The following SUZ12 variants were observed in gnomAD, a reference collection of about 807,000 sequenced individuals.
The protein encoded by SUZ12 is SUZ12 polycomb repressive complex 2 subunit.
Under a neutral mutation model 87.3 loss-of-function variants are expected in SUZ12, and 17 were observed. That is an observed-to-expected ratio of 0.19 (90% CI 0.13 to 0.29). The LOEUF (loss-of-function observed/expected upper bound fraction) is 0.29, where lower values mean the gene tolerates loss of function less well. Ranked by LOEUF, SUZ12 falls within the 10% of genes least tolerant of loss-of-function variation. The pLI, the probability that SUZ12 is intolerant of heterozygous loss-of-function variation, is 1.00. For synonymous variants in SUZ12, 253 were observed against 312.4 expected, an observed-to-expected ratio of 0.81 and a Z score of 2.01; for missense variants, 526 against 912.2, an observed-to-expected ratio of 0.58 and a Z score of 5.45.
At chr17:31,987,939 CA>C (rs56315304) in intron 9 of SUZ12, among the ~76,000 whole-genome samples, 15,063 of 128,290 alleles carry the variant, frequency 0.12, 976 homozygotes, top group Middle Eastern at 0.17. Context: ...AACTCCATCT[CA>C]AAAAAAAAAA....
chr17:32,000,117 C>T lies in SUZ12; in HGVS notation c.*1114C>T, dbSNP rs555494612. ...TTCACTACTGGCACATTAACAAGCA[C>T]CAATAGGTTTTTATTCCAACTCCGA... On this transcript the variant is annotated 3_prime_UTR_variant, in exon 16 of 16. Transcript: ENST00000322652. The T allele has an allele frequency of 2.1e-5, 5 of 233,130 alleles. No homozygotes were observed. The highest frequency in any genetic ancestry group is 4.2e-5 in the Non-Finnish European group (5 of 117,876). The allele number at this position is 233,130 out of a possible 1,614,324, so 14.4% of individuals were successfully genotyped here. A position where few individuals can be genotyped will look rare whatever the true frequency, so the allele number is the denominator to read the frequency against.
intron 4 of SUZ12, among the ~76,000 whole-genome samples, chr17:31,949,800 C>T (rs948226295): frequency 4.1e-5 from 6 of 147,944 alleles, no homozygotes; most frequent in African/African-American, 1.5e-4. Flanking sequence ...TCACCTGTCT[C>T]AGCCTCCTGA....
intron 4 of SUZ12, among the ~76,000 whole-genome samples, chr17:31,960,920 C>A (rs1164556216): frequency 1.3e-5 from 2 of 152,106 alleles, no homozygotes; most frequent in Non-Finnish European, 2.9e-5. Flanking sequence ...ATTTAGAATT[C>A]TTTCTCAAAG....
intron 4 of SUZ12, among the ~76,000 whole-genome samples, chr17:31,955,942 C>T (rs1028709701): frequency 2.6e-5 from 4 of 151,680 alleles, no homozygotes; most frequent in East Asian, 2.0e-4. Flanking sequence ...GATGGAGTCT[C>T]GCTCTGTCGC....
At chr17:31,976,917 G>C (rs531536657) in intron 8 of SUZ12, among the ~76,000 whole-genome samples, 55 of 152,274 alleles carry the variant, frequency 3.6e-4, no homozygotes, top group African/African-American at 1.3e-3. Flanking sequence ...CTTCACCATG[G>C]AGCTTAACTT....
chr17:31,952,518 T>C (rs548506880), intron 4 of SUZ12, among the ~76,000 whole-genome samples: 1 of 152,310 alleles, frequency 6.6e-6, no homozygotes, highest in African/African-American at 2.4e-5. Context: ...CTAGCAGGAT[T>C]CTAGGGATTC....
At chr17:31,975,203 T>C (rs1165005804) in intron 6 of SUZ12, among the ~76,000 whole-genome samples, 3 of 152,238 alleles carry the variant, frequency 2.0e-5, no homozygotes, top group Non-Finnish European at 1.5e-5. Context: ...ATTTCTAATA[T>C]ACAACTGTTT....
intron 8 of SUZ12, among the ~76,000 whole-genome samples, chr17:31,977,771 C>T (rs1908847939): frequency 6.6e-6 from 1 of 152,034 alleles, no homozygotes; most frequent in Admixed American, 6.6e-5. Context: ...TGCCTGTAAT[C>T]CCAGCTACTC....
intron 2 of SUZ12, 44 bp downstream of exon 2, chr17:31,940,376 A>G: frequency 6.3e-7 from 1 of 1,589,532 alleles, no homozygotes; most frequent in South Asian, 1.2e-5. Flanking sequence ...CTCTCTTATA[A>G]CTGCATCTGT....
chr17:31,959,773 A>C (rs1209998911), intron 4 of SUZ12, among the ~76,000 whole-genome samples: 1 of 152,232 alleles, frequency 6.6e-6, no homozygotes, highest in East Asian at 1.9e-4. Flanking sequence ...TCCTTGAATT[A>C]GATTTCAAAG....
At chr17:31,978,627 G>T (rs1334336385) in intron 8 of SUZ12, among the ~76,000 whole-genome samples, 1 of 152,186 alleles carries the variant, frequency 6.6e-6, no homozygotes, top group Non-Finnish European at 1.5e-5. Flanking sequence ...AGAATGAGGC[G>T]CATTGGACTT....
At chr17:31,973,094 C>A in intron 5 of SUZ12, 52 bp from the exon 6 acceptor site, 3 of 1,474,318 alleles carry the variant, frequency 2.0e-6, no homozygotes, top group Non-Finnish European at 2.7e-6. Flanking sequence ...AAAATGAATA[C>A]CTTGTTCATA....
At chr17:31,968,293 G>A (rs1222657955) in intron 5 of SUZ12, among the ~76,000 whole-genome samples, 4 of 152,096 alleles carry the variant, frequency 2.6e-5, no homozygotes, top group Non-Finnish European at 5.9e-5. Context: ...TGTCACCCAG[G>A]CTGGAGTGCA....
intron 8 of SUZ12, among the ~76,000 whole-genome samples, chr17:31,981,036 AC>A (rs1909074374): frequency 6.6e-6 from 1 of 151,980 alleles, no homozygotes; most frequent in South Asian, 2.1e-4. Flanking sequence ...AAAAAAAAAA[AC>A]CAAAAAATCC....
At chr17:31,937,990 T>C (rs553399786) in intron 1 of SUZ12, among the ~76,000 whole-genome samples, 6 of 148,236 alleles carry the variant, frequency 4.0e-5, no homozygotes, top group Admixed American at 1.4e-4. Context: ...GCCTTCGCGC[T>C]AACTTGGTGC....
At chr17:31,940,515 G>C in intron 3 of SUZ12, 29 bp downstream of exon 3, 4 of 1,506,604 alleles carry the variant, frequency 2.7e-6, no homozygotes, top group Non-Finnish European at 3.5e-6. Flanking sequence ...ATTTCAAGCT[G>C]ATCAAACCAT....
chr17:31,958,002 A>T (rs7223178), intron 4 of SUZ12, among the ~76,000 whole-genome samples: 22,726 of 144,636 alleles, frequency 0.16, 1,833 homozygotes, highest in Admixed American at 0.24. Context: ...TCCCGGGTTC[A>T]TGCCATTCTC....
intron 4 of SUZ12, among the ~76,000 whole-genome samples, chr17:31,955,345 G>C (rs1035465612): frequency 5.3e-5 from 8 of 152,036 alleles, no homozygotes; most frequent in African/African-American, 1.9e-4. Flanking sequence ...GCAATTGTGC[G>C]ATCATGACTC....
Position 31,975,631 on chromosome 17 carries a change from T to C in SUZ12, c.741T>C (p.Ser247=). 6.2e-7 allele frequency: 1 copy of C among 1,614,034 alleles called. No individual in the cohort carries two copies. Among genetic ancestry groups the C allele is most frequent in the Non-Finnish European group, 8.5e-7 (1 of 1,179,964 alleles). ...FEPSNSHMVK[S]YSLLFRVTRP... Reference sequence around the variant, plus strand: ...CTAGTAACAGCCATATGGTGAAGTCTTACTCGTTGCTATTTAGAGTGACTC... The same window carrying C: ...CTAGTAACAGCCATATGGTGAAGTCCTACTCGTTGCTATTTAGAGTGACTC... Residue 247 remains serine, a synonymous_variant, in exon 7 of 16, where the codon TCT becomes TCC. Coordinates refer to ENST00000322652, the MANE Select transcript of SUZ12 (RefSeq NM_015355.4).
Sources: gnomAD v4.1 joint callset for allele counts (sites outside exome capture counted in the v4.1 genomes callset) on GRCh38, gnomAD v4.1.1 for gene constraint, MANE v1.5 for transcripts, NCBI Gene and HGNC (gene_info 2026-07-23, HGNC 2026-07-21) for gene names.